The following TOP1 variants were observed in gnomAD, a reference collection of about 807,000 sequenced individuals.
TOP1 encodes the protein DNA topoisomerase I.
Under a neutral mutation model 111.1 loss-of-function variants are expected in TOP1, and 10 were observed. The ratio of observed to expected loss-of-function variants is 0.09; its 90% CI spans 0.06 to 0.15. The LOEUF (loss-of-function observed/expected upper bound fraction) is 0.15, where lower values mean the gene tolerates loss of function less well. Ranked by LOEUF, TOP1 falls within the 10% of genes least tolerant of loss-of-function variation. TOP1 has a pLI of 1.00. For missense variants in TOP1, 474 were observed against 926.7 expected, an observed-to-expected ratio of 0.51 and a Z score of 6.34; for synonymous variants, 271 against 302.9, an observed-to-expected ratio of 0.89 and a Z score of 1.10.
intron 2 of TOP1, among the ~76,000 whole-genome samples, chr20:41,053,659 T>A (rs901583589): frequency 3.3e-5 from 5 of 152,264 alleles, no homozygotes; most frequent in African/African-American, 1.2e-4. Flanking sequence ...AGGAGCATTA[T>A]GATGCGATAG....
intron 2 of TOP1, among the ~76,000 whole-genome samples, chr20:41,052,404 G>A (rs994696180): frequency 2.0e-5 from 3 of 152,148 alleles, no homozygotes; most frequent in African/African-American, 7.2e-5. Context: ...TGTAATTTGT[G>A]TATTTGTCTG....
At position 41,055,052 on chromosome 20, in the gene TOP1, A is replaced by T. The variant is rs60186177; in HGVS notation, c.59-6342A>T. ...TTATCTGTCCTTAGGGAGTAACTCC[A>T]GTTAAATTACAGTGAAAGGAGTTAG... On this transcript the variant is annotated intron_variant, in intron 2 of 20. Coordinates refer to ENST00000361337, the MANE Select transcript of TOP1 (RefSeq NM_003286.4). 7.1e-3 allele frequency among the ~76,000 whole-genome samples: 1,077 copies of T among 152,354 alleles called. 13 individuals carry two copies. The highest frequency in any genetic ancestry group is 0.026 in the East Asian group (134 of 5,186).
chr20:41,037,655 CAGT>C (rs1203190101), intron 2 of TOP1, among the ~76,000 whole-genome samples: 1 of 152,146 alleles, frequency 6.6e-6, no homozygotes, highest in East Asian at 1.9e-4. Context: ...TTGATAAAGT[CAGT>C]AGAAATTTCA....
At position 41,032,407 on chromosome 20, in the gene TOP1, G is replaced by A. The variant is rs959420176; in HGVS notation, c.58+2952G>A. Among the ~76,000 whole-genome samples, 1 of 152,210 alleles carries A rather than the reference G, an allele frequency of 6.6e-6. No homozygotes were observed. On this transcript the variant is annotated intron_variant, in intron 2 of 20. Transcript: ENST00000361337. The surrounding 1 kb of genome is among the most constrained non-coding windows in gnomAD (Gnocchi z 4.3). The stretch of plus-strand genomic sequence containing the variant: ...AATTTGGAGCAGAAACCATATCTAA[G>A]TCTAAGTGAAAAGACTTCCTAAGTA...
rs1166308167 is a variant in TOP1 at position 41,046,858 on chromosome 20, A to C, written c.59-14536A>C. On this transcript the variant is annotated intron_variant, in intron 2 of 20. Transcript: ENST00000361337. This position sits in a 1 kb window ranked among gnomAD's most constrained non-coding sequence, Gnocchi z 4.3. ...AATTTAACCAGCTTGCTGCTTAAGA[A>C]GCAGAATTAGCAGTGGGCCAGTCAT... 6.6e-6 allele frequency among the ~76,000 whole-genome samples: 1 copy of C among 152,224 alleles called. No individual in the cohort carries two copies. The highest frequency in any genetic ancestry group is 2.4e-5 in the African/African-American group (1 of 41,464).
At chr20:41,085,547 C>T (rs540801459) in intron 8 of TOP1, among the ~76,000 whole-genome samples, 28 of 152,268 alleles carry the variant, frequency 1.8e-4, no homozygotes, top group African/African-American at 6.0e-4. Context: ...AACTACTATA[C>T]CAGCAGTACA....
At chr20:41,111,579 G>GCC (rs2034240687) in intron 13 of TOP1, among the ~76,000 whole-genome samples, 2 of 141,768 alleles carry the variant, frequency 1.4e-5, no homozygotes, top group African/African-American at 5.4e-5. Context: ...GGCTGGTTGC[G>GCC]CCCCCACCCC....
intron 18 of TOP1, among the ~76,000 whole-genome samples, chr20:41,120,868 AG>A (rs1206568280): frequency 6.6e-6 from 1 of 152,072 alleles, no homozygotes; most frequent in East Asian, 1.9e-4. Flanking sequence ...CAGCCTCCCG[AG>A]TAGCTGGGAC....
intron 2 of TOP1, among the ~76,000 whole-genome samples, chr20:41,036,595 A>G (rs2033188047): frequency 6.6e-6 from 1 of 152,106 alleles, no homozygotes; most frequent in Non-Finnish European, 1.5e-5. Context: ...TGAAATAGTG[A>G]TTGATGTTGG....
In TOP1 at chr20:41,121,829, A is replaced by G; in HGVS notation, c.2045+39A>G. ...ATTGTGAAAGTTGGGGCTGGTAGAGAAAAGTGTGCAGCATCTGTCAGGGCC... is the reference window on the plus strand; with the variant it reads ...ATTGTGAAAGTTGGGGCTGGTAGAGGAAAGTGTGCAGCATCTGTCAGGGCC... On this transcript the variant is annotated intron_variant, in intron 19 of 20. Transcript: ENST00000361337. The surrounding 1 kb of genome is among the most constrained non-coding windows in gnomAD (Gnocchi z 4.2). 4 of 1,598,048 alleles carry G rather than the reference A, an allele frequency of 2.5e-6. No individual in the cohort carries two copies. Among genetic ancestry groups the G allele is most frequent in the Non-Finnish European group, 3.4e-6 (4 of 1,165,454 alleles).
At position 41,097,186 on chromosome 20, in the gene TOP1, A is replaced by G. The variant is rs368683119; in HGVS notation, c.731-34A>G. ...TATTTATGCTTAGAACATGAATACT[A>G]TACCTCACTTTTTGGAACCACTTTT... On this transcript the variant is annotated intron_variant, in intron 9 of 20. Transcript: ENST00000361337. This position sits in a 1 kb window ranked among gnomAD's most constrained non-coding sequence, Gnocchi z 4.2. 9.6e-5 allele frequency: 154 copies of G among 1,608,700 alleles called. No homozygotes were observed. The highest frequency in any genetic ancestry group is 1.3e-4 in the Non-Finnish European group (149 of 1,178,530).
At position 41,029,448 on chromosome 20, in the gene TOP1, A is replaced by C; in HGVS notation, c.51A>C (p.Arg17=). 1 of 1,505,112 alleles carries C rather than the reference A, an allele frequency of 6.6e-7. No homozygotes were observed. Among genetic ancestry groups the C allele is most frequent in the African/African-American group, 1.5e-5 (1 of 68,894 alleles). The allele number at this position is 1,505,112 out of a possible 1,614,324, so 93.2% of individuals were successfully genotyped here. A position where few individuals can be genotyped will look rare whatever the true frequency, so the allele number is the denominator to read the frequency against. Residue 17 remains arginine (R), a synonymous_variant, in exon 2 of 21, where the codon CGA becomes CGC. Coordinates refer to ENST00000361337, the MANE Select transcript of TOP1 (RefSeq NM_003286.4). This position sits in a 1 kb window ranked among gnomAD's most constrained non-coding sequence, Gnocchi z 6.1. ...HNDSQIEADF[R]LNDSHKHKDK... is the part of the protein sequence containing the mutation. Reference sequence around the variant, plus strand: ...TTTTCCAGATCGAAGCGGATTTCCGATTGAATGGTGAGTGTGCCCCCTGCG... The same window carrying C: ...TTTTCCAGATCGAAGCGGATTTCCGCTTGAATGGTGAGTGTGCCCCCTGCG...
intron 18 of TOP1, among the ~76,000 whole-genome samples, chr20:41,119,425 G>C (rs2034386864): frequency 6.6e-6 from 1 of 151,904 alleles, no homozygotes; most frequent in Non-Finnish European, 1.5e-5. Context: ...GACCAACCTG[G>C]GCAACATAGT....
chr20:41,102,190 C>T lies in TOP1; in HGVS notation c.1308+837C>T, dbSNP rs1285329492. On this transcript the variant is annotated intron_variant, in intron 13 of 20. Transcript: ENST00000361337. The surrounding 1 kb of genome is among the most constrained non-coding windows in gnomAD (Gnocchi z 4.0). ...ATCTGTTAAAATGTGAAAGCCACAG[C>T]TGAAAAGGCTATGTGAATAGGCAAG... is the stretch of plus-strand genomic sequence containing the variant. Among the ~76,000 whole-genome samples the T allele has an allele frequency of 1.3e-5, 2 of 152,226 alleles. No individual in the cohort carries two copies. Among genetic ancestry groups the T allele is most frequent in the African/African-American group, 4.8e-5 (2 of 41,450 alleles).
Position 41,061,529 on chromosome 20 carries a change from G to A in TOP1, c.155+39G>A. On this transcript the variant is annotated intron_variant, in intron 3 of 20. Coordinates refer to ENST00000361337, the MANE Select transcript of TOP1 (RefSeq NM_003286.4). The surrounding 1 kb of genome is among the most constrained non-coding windows in gnomAD (Gnocchi z 4.6). ...CAAGCAAGTCCCTCATCATTCAGCA[G>A]TGGGTTGGCCATTGCTTGGCTTACC... is the stretch of plus-strand genomic sequence containing the variant. 1 of 1,537,338 alleles carries A rather than the reference G, an allele frequency of 6.5e-7. No homozygotes were observed. Among genetic ancestry groups the A allele is most frequent in the Non-Finnish European group, 8.8e-7 (1 of 1,131,320 alleles).
In TOP1 at chr20:41,082,688, T is replaced by C. The variant is rs1490474495; in HGVS notation, c.507+1448T>C. 6.6e-6 allele frequency among the ~76,000 whole-genome samples: 1 copy of C among 152,250 alleles called. No homozygotes were observed. Among genetic ancestry groups the C allele is most frequent in the East Asian group, 1.9e-4 (1 of 5,206 alleles). ...CGTTTTTTTGACAACTAGTCTATTC[T>C]TGGCCGAAGTTCAAATTAATAAGCA... is the stretch of plus-strand genomic sequence containing the variant. On this transcript the variant is annotated intron_variant, in intron 7 of 20. Coordinates refer to ENST00000361337, the MANE Select transcript of TOP1 (RefSeq NM_003286.4). The surrounding 1 kb of genome is among the most constrained non-coding windows in gnomAD (Gnocchi z 4.1).
In TOP1 at chr20:41,101,341, T is replaced by C. The variant is rs2034060913; in HGVS notation, c.1296T>C (p.Ser432=). ...GSIKYIMLNP[S]SRIKGEKDWQ... ...TTAAATACATCATGCTTAACCCTAG[T>C]TCACGAATCAAGGTAAGGGGATAGT... Residue 432 remains serine, a synonymous_variant, in exon 13 of 21, where the codon AGT becomes AGC. Coordinates refer to ENST00000361337, the MANE Select transcript of TOP1 (RefSeq NM_003286.4). The surrounding 1 kb of genome is among the most constrained non-coding windows in gnomAD (Gnocchi z 4.1). The C allele has an allele frequency of 4.3e-6, 7 of 1,613,928 alleles. No homozygotes were observed. The African/African-American group carries it at 8.0e-5, about 18-fold the overall frequency.
chr20:41,056,093 C>G (rs1400685284), intron 2 of TOP1, among the ~76,000 whole-genome samples: 2 of 152,216 alleles, frequency 1.3e-5, no homozygotes, highest in Non-Finnish European at 2.9e-5. Flanking sequence ...GGTGCTCCCC[C>G]AACCACCACC....
At chr20:41,056,735 G>A (rs183075513) in intron 2 of TOP1, among the ~76,000 whole-genome samples, 5 of 152,206 alleles carry the variant, frequency 3.3e-5, no homozygotes, top group African/African-American at 7.2e-5. Flanking sequence ...TCCCACCTTG[G>A]CCTCCCAAAG....
Sources: allele counts gnomAD v4.1 joint callset (sites outside exome capture counted in the v4.1 genomes callset), GRCh38; gene constraint gnomAD v4.1.1; non-coding constraint Gnocchi (gnomAD v3.1); transcripts MANE v1.5; gene names NCBI Gene and HGNC (gene_info 2026-07-23, HGNC 2026-07-21).